The following DRC11 variants were observed in gnomAD, a reference collection of about 807,000 sequenced individuals.
DRC11 encodes the protein IQ and AAA domain-containing protein 1.
At chr2:236,394,245 C>T in the DRC11 span, among the ~76,000 whole-genome samples, 4 of 152,140 alleles carry the variant, frequency 2.6e-5, no homozygotes, top group African/African-American at 9.7e-5. The surrounding 1 kb of genome is among the most constrained non-coding windows in gnomAD (Gnocchi z 7.0). Flanking sequence ...GGCCCTGGGG[C>T]CAGTGCCTGC....
the DRC11 span, chr2:236,408,395 C>T: frequency 4.0e-6 from 3 of 744,672 alleles, no homozygotes; most frequent in East Asian, 2.5e-5. This position sits in a 1 kb window ranked among gnomAD's most constrained non-coding sequence, Gnocchi z 5.5. Context: ...CCTTTGTAGT[C>T]TTTGCCCTTG....
chr2:236,419,116 T>G, the DRC11 span: 1 of 1,507,322 alleles, frequency 6.6e-7, no homozygotes, highest in South Asian at 1.3e-5. The surrounding 1 kb of genome is among the most constrained non-coding windows in gnomAD (Gnocchi z 4.8). Context: ...GAAAATGAAA[T>G]CAAATTTCTA....
chr2:236,474,909 T>G, the DRC11 span, among the ~76,000 whole-genome samples: 1 of 152,310 alleles, frequency 6.6e-6, no homozygotes, highest in Non-Finnish European at 1.5e-5. Context: ...TTATGTAATG[T>G]GTAATGATCA....
the DRC11 span, among the ~76,000 whole-genome samples, chr2:236,438,745 C>T: frequency 5.3e-5 from 8 of 152,102 alleles, no homozygotes; most frequent in African/African-American, 1.9e-4. Flanking sequence ...AACTCTCCAC[C>T]CCAAATCAAC....
the DRC11 span, among the ~76,000 whole-genome samples, chr2:236,359,844 T>C: frequency 6.6e-6 from 1 of 152,186 alleles, no homozygotes; most frequent in African/African-American, 2.4e-5. The surrounding 1 kb of genome is among the most constrained non-coding windows in gnomAD (Gnocchi z 4.3). Context: ...TCTGGGTCTT[T>C]CATTAATCAG....
the DRC11 span, among the ~76,000 whole-genome samples, chr2:236,361,610 C>T: frequency 1.3e-5 from 2 of 151,874 alleles, no homozygotes; most frequent in Non-Finnish European, 2.9e-5. This position sits in a 1 kb window ranked among gnomAD's most constrained non-coding sequence, Gnocchi z 5.7. Flanking sequence ...TCTACATAGA[C>T]TGTGATAAGA....
chr2:236,459,541 G>GTATACGTA, the DRC11 span, among the ~76,000 whole-genome samples: 4 of 73,298 alleles, frequency 5.5e-5, no homozygotes, highest in Non-Finnish European at 9.6e-5. Flanking sequence ...ATACGTATAC[G>GTATACGTA]TATACGTATA....
the DRC11 span, among the ~76,000 whole-genome samples, chr2:236,357,606 T>C: frequency 8.0e-5 from 10 of 125,228 alleles, no homozygotes; most frequent in East Asian, 2.3e-4. Flanking sequence ...TATGTAAATA[T>C]ATATTTATAA....
At chr2:236,462,445 G>T in the DRC11 span, among the ~76,000 whole-genome samples, 5 of 152,308 alleles carry the variant, frequency 3.3e-5, no homozygotes, top group Middle Eastern at 6.8e-3. This position sits in a 1 kb window ranked among gnomAD's most constrained non-coding sequence, Gnocchi z 6.4. Context: ...GTCGAGGCGG[G>T]TGGATCACTT....
At chr2:236,344,477 CA>C in the DRC11 span, 1 of 951,980 alleles carries the variant, frequency 1.1e-6, no homozygotes, top group East Asian at 2.5e-5. Context: ...AAGACCTTCT[CA>C]AAAAGTAGAG....
the DRC11 span, among the ~76,000 whole-genome samples, chr2:236,385,089 T>C: frequency 2.6e-5 from 4 of 152,024 alleles, no homozygotes; most frequent in East Asian, 7.7e-4. Context: ...TGAAGTCAGG[T>C]AGTGTGATGC....
chr2:236,478,031 GTT>G, the DRC11 span, among the ~76,000 whole-genome samples: 1 of 148,110 alleles, frequency 6.8e-6, no homozygotes, highest in South Asian at 2.1e-4. This position sits in a 1 kb window ranked among gnomAD's most constrained non-coding sequence, Gnocchi z 5.9. Flanking sequence ...GTGTGTGTGT[GTT>G]TTAGTCTCAA....
At chr2:236,498,692 T>A in the DRC11 span, among the ~76,000 whole-genome samples, 6 of 152,176 alleles carry the variant, frequency 3.9e-5, no homozygotes, top group Non-Finnish European at 1.5e-5. Flanking sequence ...GTGGCTCTGC[T>A]GTGGCTGGCC....
At chr2:236,382,619 C>T in the DRC11 span, among the ~76,000 whole-genome samples, 1 of 152,132 alleles carries the variant, frequency 6.6e-6, no homozygotes. Context: ...GATTTCTTTA[C>T]TGGCATTGTG....
the DRC11 span, among the ~76,000 whole-genome samples, chr2:236,410,563 A>G: frequency 6.6e-6 from 1 of 150,444 alleles, no homozygotes; most frequent in South Asian, 2.1e-4. Flanking sequence ...TTCATATGGA[A>G]CCAAAAAAGA....
the DRC11 span, among the ~76,000 whole-genome samples, chr2:236,365,975 G>GC: frequency 2.0e-5 from 3 of 152,140 alleles, no homozygotes; most frequent in African/African-American, 7.2e-5. This position sits in a 1 kb window ranked among gnomAD's most constrained non-coding sequence, Gnocchi z 7.4. Context: ...ACCCAGTTTA[G>GC]CCCCTTCCTA....
At chr2:236,469,556 T>C in the DRC11 span, among the ~76,000 whole-genome samples, 13 of 152,238 alleles carry the variant, frequency 8.5e-5, no homozygotes, top group Admixed American at 1.3e-4. This position sits in a 1 kb window ranked among gnomAD's most constrained non-coding sequence, Gnocchi z 5.8. Context: ...GCTCCTTTAG[T>C]GCTGTGTTTC....
At chr2:236,448,492 T>C in the DRC11 span, among the ~76,000 whole-genome samples, 1 of 152,018 alleles carries the variant, frequency 6.6e-6, no homozygotes, top group Non-Finnish European at 1.5e-5. This position sits in a 1 kb window ranked among gnomAD's most constrained non-coding sequence, Gnocchi z 5.3. Context: ...CACATCACCA[T>C]GCCTGGCTAA....
the DRC11 span, among the ~76,000 whole-genome samples, chr2:236,350,039 T>C: frequency 6.6e-6 from 1 of 152,234 alleles, no homozygotes. The surrounding 1 kb of genome is among the most constrained non-coding windows in gnomAD (Gnocchi z 5.2). Flanking sequence ...ATTGCAGATG[T>C]GAATACCAAG....
Sources: allele counts gnomAD v4.1 joint callset (sites outside exome capture counted in the v4.1 genomes callset), GRCh38; gene constraint gnomAD v4.1.1; non-coding constraint Gnocchi (gnomAD v3.1); transcripts MANE v1.5; gene names NCBI Gene and HGNC (gene_info 2026-07-23, HGNC 2026-07-21).